TBCD: variants seen among roughly 807,000 people sequenced by gnomAD.
TBCD encodes tubulin-specific chaperone D.
In TBCD, 105 loss-of-function variants were observed where a neutral mutation model predicts 169.3. That is an observed-to-expected ratio of 0.62 (90% CI 0.53 to 0.73). The LOEUF is 0.73. TBCD is among the 30% of genes least tolerant of loss of function. The pLI, the probability that TBCD is intolerant of heterozygous loss-of-function variation, is 0.00. For missense variants in TBCD, 1,444 were observed against 1,600.1 expected, an observed-to-expected ratio of 0.90 and a Z score of 1.66; for synonymous variants, 700 against 643.9, an observed-to-expected ratio of 1.09 and a Z score of -1.32.
At chr17:82,937,097 G>A (rs1317134722) in intron 34 of TBCD, 174 bp from the exon 35 acceptor site, 4 of 609,328 alleles carry the variant, frequency 6.6e-6, no homozygotes, top group Non-Finnish European at 1.2e-5. Context: ...AGGCCGGCCT[G>A]TGGAGGTATT....
chr17:82,860,529 T>C, intron 13 of TBCD: 1 of 839,444 alleles, frequency 1.2e-6, no homozygotes, highest in South Asian at 5.5e-5. Flanking sequence ...TTGGGATTGC[T>C]TGAAAAGAAA....
At position 82,932,397 on chromosome 17, in the gene TBCD, C is replaced by T. The variant is rs530674806; in HGVS notation, c.3114-261C>T. ...TTACTTTGGACTCTCCTGTGCCCGA[C>T]GTGTTTGCTTCACTTTGCACCAGGG... On this transcript the variant is annotated intron_variant, in intron 33 of 38. Coordinates refer to ENST00000355528, the MANE Select transcript of TBCD (RefSeq NM_005993.5). Among the ~76,000 whole-genome samples the T allele has an allele frequency of 3.3e-5, 5 of 152,326 alleles. No individual in the cohort carries two copies. The South Asian group carries it at 8.3e-4, about 25-fold the overall frequency.
At chr17:82,875,208 A>G (rs1427019347) in intron 14 of TBCD, among the ~76,000 whole-genome samples, 2 of 152,244 alleles carry the variant, frequency 1.3e-5, no homozygotes, top group Non-Finnish European at 2.9e-5. Context: ...TGTTGAAGGT[A>G]GCATTGGTTT....
Position 82,874,544 on chromosome 17 carries a change from C to T in TBCD, c.1475+4164C>T, listed in dbSNP as rs1779808415. On this transcript the variant is annotated intron_variant, in intron 14 of 38. Coordinates refer to ENST00000355528, the MANE Select transcript of TBCD (RefSeq NM_005993.5). The surrounding 1 kb of genome is among the most constrained non-coding windows in gnomAD (Gnocchi z 5.0). The stretch of plus-strand genomic sequence containing the variant: ...GGCGTTGTGCCCCTCGCCCCTTTAC[C>T]TGTGCCATCCCGGCCGCAGACCCAA... 6.6e-6 allele frequency among the ~76,000 whole-genome samples: 1 copy of T among 152,194 alleles called. No individual in the cohort carries two copies. Among genetic ancestry groups the T allele is most frequent in the Non-Finnish European group, 1.5e-5 (1 of 68,014 alleles).
intron 13 of TBCD, among the ~76,000 whole-genome samples, chr17:82,854,235 C>T (rs1273453318): frequency 4.6e-5 from 7 of 152,216 alleles, no homozygotes; most frequent in Non-Finnish European, 1.0e-4. Flanking sequence ...AGTTGACACT[C>T]TGCAGGTGAT....
Position 82,930,456 on chromosome 17 carries a change from T to C in TBCD, c.2992-66T>C. On this transcript the variant is annotated intron_variant, in intron 32 of 38. Transcript: ENST00000355528. The surrounding 1 kb of genome is among the most constrained non-coding windows in gnomAD (Gnocchi z 5.2). ...TCTTCAGCAGATGCTTGACCGGCTG[T>C]AGCCAAGCCTGAGGGGTGGCAGGCT... is the stretch of plus-strand genomic sequence containing the variant. 6.3e-7 allele frequency: 1 copy of C among 1,578,006 alleles called. No homozygotes were observed. The highest frequency in any genetic ancestry group is 8.6e-7 in the Non-Finnish European group (1 of 1,164,710).
At chr17:82,823,084 A>G (rs1310639220) in intron 13 of TBCD, among the ~76,000 whole-genome samples, 4 of 152,354 alleles carry the variant, frequency 2.6e-5, no homozygotes, top group African/African-American at 9.6e-5. Context: ...GCTCTGGAGC[A>G]CTGAGGTGGA....
At chr17:82,823,479 G>A (rs982408955) in intron 13 of TBCD, among the ~76,000 whole-genome samples, 1 of 152,084 alleles carries the variant, frequency 6.6e-6, no homozygotes, top group Non-Finnish European at 1.5e-5. Flanking sequence ...TGTTAATGGT[G>A]TTTTTTTCCT....
chr17:82,876,238 G>A (rs1041552277), intron 14 of TBCD, among the ~76,000 whole-genome samples: 2 of 152,194 alleles, frequency 1.3e-5, no homozygotes, highest in Admixed American at 6.5e-5. Context: ...ATCCCTTTCT[G>A]TTTGACACAG....
At chr17:82,857,784 AT>A (rs1184595705) in intron 13 of TBCD, among the ~76,000 whole-genome samples, 3,149 of 110,748 alleles carry the variant, frequency 0.028, 119 homozygotes, top group African/African-American at 0.093. Flanking sequence ...TTTTTTTTTC[AT>A]TTTTTTTTTA....
At chr17:82,882,056 G>A (rs2058394607) in intron 14 of TBCD, among the ~76,000 whole-genome samples, 1 of 152,172 alleles carries the variant, frequency 6.6e-6, no homozygotes, top group Non-Finnish European at 1.5e-5. Flanking sequence ...CTGGATGGTT[G>A]GGCGTCCCAA....
chr17:82,872,990 G>A (rs1352244916), intron 14 of TBCD, among the ~76,000 whole-genome samples: 1 of 135,558 alleles, frequency 7.4e-6, no homozygotes, highest in East Asian at 2.2e-4. Context: ...CCGGCACCTC[G>A]TGGCCGACGG....
Position 82,945,238 on chromosome 17 carries a change from CATT to C in TBCD, c.*2778_*2780del, listed in dbSNP as rs984602028. 2.5e-4 allele frequency: 38 copies of C among 152,332 alleles called. No individual in the cohort carries two copies. Among genetic ancestry groups the C allele is most frequent in the South Asian group, 8.3e-4 (4 of 4,832 alleles). 9.4% of individuals were successfully genotyped at this position (152,332 alleles called of 1,614,324 possible). On this transcript the variant is annotated 3_prime_UTR_variant, in exon 39 of 39. Coordinates refer to ENST00000355528, the MANE Select transcript of TBCD (RefSeq NM_005993.5). ...ATTAGAAAACTGGAAGATCTGAAAA[CATT>C]ATCCAGAGAACTGGAAGATATGACA...
chr17:82,934,143 C>G (rs2062435023), intron 34 of TBCD, among the ~76,000 whole-genome samples: 1 of 152,194 alleles, frequency 6.6e-6, no homozygotes, highest in African/African-American at 2.4e-5. Context: ...CCCAGGAAGC[C>G]CCCTCTGGTG....
intron 4 of TBCD, 89 bp from the exon 5 acceptor site, chr17:82,768,331 G>C: frequency 6.7e-7 from 1 of 1,495,276 alleles, no homozygotes; most frequent in Non-Finnish European, 9.2e-7. Context: ...CATTGGGTGG[G>C]CATGGAGGGC....
In TBCD at chr17:82,797,962, C is replaced by CTTTTTT. The variant is rs60671571; in HGVS notation, c.817+187_817+192dup. On this transcript the variant is annotated intron_variant, in intron 8 of 38. Coordinates refer to ENST00000355528, the MANE Select transcript of TBCD (RefSeq NM_005993.5). ...TTTGTTGTGGGTTTTAGTAACTGAA[C>CTTTTTT]TTTTTTTTTTTTTTTTTTTTTTTTT... Among the ~76,000 whole-genome samples the CTTTTTT allele has an allele frequency of 4.0e-3, 198 of 49,026 alleles. 30 individuals are homozygous for CTTTTTT. The highest frequency in any genetic ancestry group is 7.4e-3 in the South Asian group (6 of 810). The allele number at this position is 49,026 out of a possible 152,430, so 32.2% of individuals were successfully genotyped here.
chr17:82,945,420 C>G lies in TBCD; in HGVS notation c.*2957C>G, dbSNP rs185305783. The G allele has an allele frequency of 6.6e-6, 1 of 152,154 alleles. No individual in the cohort carries two copies. The highest frequency in any genetic ancestry group is 1.5e-5 in the Non-Finnish European group (1 of 68,034). The allele number at this position is 152,154 out of a possible 1,614,324, so 9.4% of individuals were successfully genotyped here. ...ATTTAGACCTGCCACAGTGAAACTG[C>G]AGAACTGTAAGAAGGACAGAGTGAT... On this transcript the variant is annotated 3_prime_UTR_variant, in exon 39 of 39. Coordinates refer to ENST00000355528, the MANE Select transcript of TBCD (RefSeq NM_005993.5).
At chr17:82,883,148 G>T (rs1461648494) in intron 14 of TBCD, among the ~76,000 whole-genome samples, 1 of 152,254 alleles carries the variant, frequency 6.6e-6, no homozygotes, top group Non-Finnish European at 1.5e-5. Flanking sequence ...GTTGACGCGG[G>T]CCCCGCCCCA....
Position 82,880,258 on chromosome 17 carries a change from C to T in TBCD, c.1476-3887C>T, listed in dbSNP as rs1341626935. On this transcript the variant is annotated intron_variant, in intron 14 of 38. Transcript: ENST00000355528. This position sits in a 1 kb window ranked among gnomAD's most constrained non-coding sequence, Gnocchi z 5.0. ...CAAATTCCTGGGCTCAAGGGATCCT[C>T]CTGCCTCTGCCTCCCACAGACAGAT... 6.6e-6 allele frequency among the ~76,000 whole-genome samples: 1 copy of T among 152,194 alleles called. No individual in the cohort carries two copies. Among genetic ancestry groups the T allele is most frequent in the African/African-American group, 2.4e-5 (1 of 41,442 alleles).
Sources: gnomAD v4.1 joint callset for allele counts (sites outside exome capture counted in the v4.1 genomes callset) on GRCh38, gnomAD v4.1.1 for gene constraint, Gnocchi (gnomAD v3.1) non-coding constraint, MANE v1.5 for transcripts, NCBI Gene and HGNC (gene_info 2026-07-23, HGNC 2026-07-21) for gene names.